The following ADGRA3 variants were observed in gnomAD, a reference collection of about 807,000 sequenced individuals.
ADGRA3 encodes the protein G-protein coupled receptor 125.
Under a neutral mutation model 119.8 loss-of-function variants are expected in ADGRA3, and 56 were observed. The observed-to-expected ratio is 0.47, with a 90% CI of 0.38 to 0.58. ADGRA3 has a LOEUF of 0.58. Among genes scored for constraint, ADGRA3 ranks in the 20% least tolerant of loss-of-function variants. The pLI is 0.00. For synonymous variants in ADGRA3, 607 were observed against 623.8 expected (o/e 0.97, Z 0.40); for missense variants, 1,516 against 1,649.0 (o/e 0.92, Z 1.40).
At chr4:22,424,118 C>A in intron 11 of ADGRA3, 73 bp downstream of exon 11, 7 of 1,308,230 alleles carry the variant, frequency 5.4e-6, no homozygotes, top group Non-Finnish European at 7.2e-6. Context: ...GGAGAAGACA[C>A]CTATCTCTTT....
chr4:22,513,389 C>A (rs1719519963), intron 1 of ADGRA3, among the ~76,000 whole-genome samples: 1 of 152,036 alleles, frequency 6.6e-6, no homozygotes, highest in Non-Finnish European at 1.5e-5. Context: ...CTCCTGACCT[C>A]AGGTGATCCA....
chr4:22,454,717 C>A, intron 4 of ADGRA3, 149 bp downstream of exon 4: 1 of 642,310 alleles, frequency 1.6e-6, no homozygotes, highest in Non-Finnish European at 2.8e-6. Flanking sequence ...GATTACATCC[C>A]CATGATTAAA....
At chr4:22,509,502 C>CA (rs1169518227) in intron 1 of ADGRA3, among the ~76,000 whole-genome samples, 21 of 137,924 alleles carry the variant, frequency 1.5e-4, no homozygotes, top group Admixed American at 7.5e-4. Flanking sequence ...GACTCCATCT[C>CA]AAAAAAAAAG....
Position 22,442,636 on chromosome 4 carries a change from A to C in ADGRA3, c.920+14T>G. On this transcript the variant is annotated intron_variant, in intron 7 of 18. Transcript: ENST00000334304. ...AGGCACAATTCTTCATTCAAAAAAA[A>C]AAAAAAAGTTTACCTTGCAATCAAG... 6.3e-7 allele frequency: 1 copy of C among 1,596,574 alleles called. No individual in the cohort carries two copies. The highest frequency in any genetic ancestry group is 8.5e-7 in the Non-Finnish European group (1 of 1,170,016).
At chr4:22,499,280 G>A (rs1718965955) in intron 1 of ADGRA3, among the ~76,000 whole-genome samples, 1 of 152,206 alleles carries the variant, frequency 6.6e-6, no homozygotes, top group Non-Finnish European at 1.5e-5. Context: ...GGTTTCATAT[G>A]TAAAATCATA....
chr4:22,410,984 C>T (rs1399901315), intron 14 of ADGRA3, among the ~76,000 whole-genome samples: 1 of 152,072 alleles, frequency 6.6e-6, no homozygotes, highest in African/African-American at 2.4e-5. Flanking sequence ...TAGCTTATTC[C>T]TTCCAGAAAA....
At chr4:22,493,422 C>A (rs1718699029) in intron 1 of ADGRA3, among the ~76,000 whole-genome samples, 1 of 152,094 alleles carries the variant, frequency 6.6e-6, no homozygotes, top group Admixed American at 6.5e-5. Context: ...TGAGTGTGTC[C>A]CTTGCAACAT....
chr4:22,452,090 T>A (rs1717064173), intron 4 of ADGRA3, among the ~76,000 whole-genome samples: 1 of 152,168 alleles, frequency 6.6e-6, no homozygotes, highest in Non-Finnish European at 1.5e-5. Context: ...CGATAAGCAA[T>A]GTCACTGCAA....
chr4:22,513,574 C>T (rs1719528171), intron 1 of ADGRA3, among the ~76,000 whole-genome samples: 2 of 149,728 alleles, frequency 1.3e-5, no homozygotes, highest in Admixed American at 1.3e-4. Flanking sequence ...TGCAGTGGTG[C>T]GATTTCGGCT....
chr4:22,506,057 A>G (rs1214477092), intron 1 of ADGRA3, among the ~76,000 whole-genome samples: 1 of 152,176 alleles, frequency 6.6e-6, no homozygotes, highest in Non-Finnish European at 1.5e-5. Flanking sequence ...GCCAGCCCAT[A>G]CTGTATGCAG....
chr4:22,456,780 C>T (rs1381754103), intron 3 of ADGRA3, among the ~76,000 whole-genome samples: 1 of 152,174 alleles, frequency 6.6e-6, no homozygotes, highest in Non-Finnish European at 1.5e-5. Context: ...TAATACAGCA[C>T]CTTAGGTAAT....
At chr4:22,498,878 C>T (rs574449434) in intron 1 of ADGRA3, among the ~76,000 whole-genome samples, 35 of 151,726 alleles carry the variant, frequency 2.3e-4, no homozygotes, top group Non-Finnish European at 4.3e-4. Context: ...CACACCACTG[C>T]GCTCCAGCTT....
At chr4:22,447,325 T>C (rs1410909307) in intron 5 of ADGRA3, 115 bp downstream of exon 5, 58 of 663,220 alleles carry the variant, frequency 8.7e-5, no homozygotes, top group Non-Finnish European at 2.6e-6. Context: ...CAAGTGAGAC[T>C]CTACCTTGAC....
chr4:22,497,038 T>C (rs1718852919), intron 1 of ADGRA3, among the ~76,000 whole-genome samples: 1 of 152,234 alleles, frequency 6.6e-6, no homozygotes, highest in Admixed American at 6.5e-5. Context: ...ATGATCCAAA[T>C]GTACTTTTAT....
chr4:22,454,159 C>T (rs1441504346), intron 4 of ADGRA3, among the ~76,000 whole-genome samples: 1 of 152,118 alleles, frequency 6.6e-6, no homozygotes, highest in East Asian at 1.9e-4. Context: ...CTGTTCCTAG[C>T]TTAAAACTTC....
intron 11 of ADGRA3, among the ~76,000 whole-genome samples, chr4:22,422,849 C>A (rs964433520): frequency 1.3e-5 from 2 of 152,108 alleles, no homozygotes; most frequent in African/African-American, 4.8e-5. Flanking sequence ...ACAAGCTAGT[C>A]TCAACTGAGG....
At chr4:22,469,774 C>T (rs1717791413) in intron 2 of ADGRA3, among the ~76,000 whole-genome samples, 1 of 152,158 alleles carries the variant, frequency 6.6e-6, no homozygotes, top group Admixed American at 6.5e-5. Flanking sequence ...TACCTGAGAC[C>T]TGACACGGCT....
chr4:22,401,700 C>A (rs968107647), intron 15 of ADGRA3, 146 bp from the exon 16 acceptor site: 8 of 472,236 alleles, frequency 1.7e-5, no homozygotes, highest in Non-Finnish European at 2.6e-5. Flanking sequence ...ACCAGACACA[C>A]ACACACATAC....
chr4:22,465,301 C>T (rs1396152191), intron 2 of ADGRA3, among the ~76,000 whole-genome samples: 2 of 152,206 alleles, frequency 1.3e-5, no homozygotes, highest in African/African-American at 4.8e-5. Context: ...TCCCTTCAGG[C>T]ATGACACCTG....
Sources: gnomAD v4.1 joint callset for allele counts (sites outside exome capture counted in the v4.1 genomes callset) on GRCh38, gnomAD v4.1.1 for gene constraint, MANE v1.5 for transcripts, NCBI Gene and HGNC (gene_info 2026-07-23, HGNC 2026-07-21) for gene names.